SDK1: variants seen among roughly 807,000 people sequenced by gnomAD.
SDK1 encodes the protein protein sidekick-1.
A neutral mutation model predicts 245.5 loss-of-function variants in SDK1; 157 were observed. The observed-to-expected ratio is 0.64, with a 90% confidence interval of 0.56 to 0.73. The LOEUF is 0.73. SDK1 is among the 30% of genes least tolerant of loss of function. The pLI is 0.00. For missense variants in SDK1, 3,583 were observed against 3,002.3 expected, an observed-to-expected ratio of 1.19 and a Z score of -4.52; for synonymous variants, 1,647 against 1,278.5, an observed-to-expected ratio of 1.29 and a Z score of -6.15.
chr7:3,680,918 C>A (rs1010305326), intron 4 of SDK1, among the ~76,000 whole-genome samples: 1 of 152,214 alleles, frequency 6.6e-6, no homozygotes. Flanking sequence ...TCTTGGCTCA[C>A]TGCAACCTCC....
intron 4 of SDK1, among the ~76,000 whole-genome samples, chr7:3,813,102 A>T (rs925084871): frequency 3.3e-5 from 5 of 150,710 alleles, no homozygotes; most frequent in African/African-American, 5.0e-5. Context: ...TTTTATTTTT[A>T]TTTATTTATT....
At chr7:4,220,824 T>A (rs982094568) in intron 39 of SDK1, among the ~76,000 whole-genome samples, 5 of 151,874 alleles carry the variant, frequency 3.3e-5, no homozygotes, top group Admixed American at 6.6e-5. Flanking sequence ...CAAGCTGGAG[T>A]GCAGCAGCAT....
At chr7:3,385,668 C>T (rs1267519615) in intron 1 of SDK1, among the ~76,000 whole-genome samples, 2 of 152,132 alleles carry the variant, frequency 1.3e-5, no homozygotes, top group African/African-American at 4.8e-5. Flanking sequence ...AATACAGCCC[C>T]CGTATGTATC....
At chr7:3,709,362 A>G (rs1274458755) in intron 4 of SDK1, among the ~76,000 whole-genome samples, 1 of 152,180 alleles carries the variant, frequency 6.6e-6, no homozygotes, top group Non-Finnish European at 1.5e-5. Flanking sequence ...CTGGGCATGC[A>G]TGCAAGGCCC....
intron 41 of SDK1, among the ~76,000 whole-genome samples, chr7:4,235,258 G>T (rs188881905): frequency 3.3e-5 from 5 of 152,084 alleles, no homozygotes; most frequent in African/African-American, 1.2e-4. Context: ...TCCGTCTCCC[G>T]GGTTCAAGGG....
chr7:3,430,476 T>G (rs908293868), intron 1 of SDK1, among the ~76,000 whole-genome samples: 1 of 152,184 alleles, frequency 6.6e-6, no homozygotes, highest in South Asian at 2.1e-4. Context: ...CTGTCTCTAC[T>G]TTTACCTCTG....
chr7:3,773,785 T>A (rs986602910), intron 4 of SDK1, among the ~76,000 whole-genome samples: 4 of 152,238 alleles, frequency 2.6e-5, no homozygotes, highest in African/African-American at 4.8e-5. Context: ...TCAGGTCTTT[T>A]CTGAGCCTCT....
At chr7:3,521,595 A>G (rs777562989) in intron 1 of SDK1, among the ~76,000 whole-genome samples, 4 of 152,182 alleles carry the variant, frequency 2.6e-5, no homozygotes, top group Non-Finnish European at 5.9e-5. Flanking sequence ...GTGAAGATGG[A>G]AAATAGCAAA....
chr7:3,621,826 C>T lies in SDK1; in HGVS notation c.458+2587C>T, dbSNP rs182471591. 5.9e-5 allele frequency among the ~76,000 whole-genome samples: 9 copies of T among 152,328 alleles called. No individual in the cohort carries two copies. The East Asian group carries it at 1.5e-3, about 26-fold the overall frequency. ...TGATTTTTAAATGGATAATATGGGT[C>T]TCAAACTATTATTTGCAAATCGTTG... is the stretch of plus-strand genomic sequence containing the variant. On this transcript the variant is annotated intron_variant, in intron 2 of 44. Coordinates refer to ENST00000404826, the MANE Select transcript of SDK1 (RefSeq NM_152744.4).
At chr7:3,409,687 A>T (rs542310427) in intron 1 of SDK1, among the ~76,000 whole-genome samples, 1 of 152,118 alleles carries the variant, frequency 6.6e-6, no homozygotes, top group Non-Finnish European at 1.5e-5. Flanking sequence ...AGCGTTGGGG[A>T]TGGCTCTGAG....
intron 4 of SDK1, among the ~76,000 whole-genome samples, chr7:3,772,265 C>G (rs534684823): frequency 6.8e-6 from 1 of 146,234 alleles, no homozygotes; most frequent in Non-Finnish European, 1.5e-5. Flanking sequence ...TTTTTATATT[C>G]TACGTCTGTT....
chr7:3,873,939 GTCT>G (rs1413491414), intron 5 of SDK1, among the ~76,000 whole-genome samples: 2 of 152,094 alleles, frequency 1.3e-5, no homozygotes, highest in African/African-American at 4.8e-5. Context: ...TCATGTCTGA[GTCT>G]TCTTCTGATC....
At chr7:3,975,957 G>A (rs367968307) in intron 13 of SDK1, among the ~76,000 whole-genome samples, 3,261 of 129,530 alleles carry the variant, frequency 0.025, 47 homozygotes, top group African/African-American at 0.056. Context: ...AGGCTGCCAC[G>A]CAGAGGGTCC....
At chr7:3,319,402 G>A (rs759089109) in intron 1 of SDK1, among the ~76,000 whole-genome samples, 8 of 152,068 alleles carry the variant, frequency 5.3e-5, no homozygotes, top group East Asian at 3.9e-4. Flanking sequence ...GGCTTAGACC[G>A]GTGGCCCTCA....
At chr7:3,399,658 G>A (rs60418263) in intron 1 of SDK1, among the ~76,000 whole-genome samples, 15,144 of 152,130 alleles carry the variant, frequency 0.1, 961 homozygotes, top group African/African-American at 0.17. Context: ...TCTTCATTGT[G>A]TGGGGACACT....
chr7:4,020,044 C>T (rs1168372324), intron 17 of SDK1, among the ~76,000 whole-genome samples: 5 of 152,096 alleles, frequency 3.3e-5, no homozygotes, highest in Non-Finnish European at 5.9e-5. Context: ...GCTTTTCTTC[C>T]AGACCCTGAC....
intron 19 of SDK1, among the ~76,000 whole-genome samples, chr7:4,064,639 A>G (rs1562753660): frequency 6.6e-6 from 1 of 152,238 alleles, no homozygotes; most frequent in Non-Finnish European, 1.5e-5. Flanking sequence ...CATTCACAGT[A>G]GCCAAGATAC....
At chr7:3,581,801 G>C (rs1780505750) in intron 1 of SDK1, among the ~76,000 whole-genome samples, 1 of 152,236 alleles carries the variant, frequency 6.6e-6, no homozygotes, top group Non-Finnish European at 1.5e-5. Context: ...ATACACCTCA[G>C]AATACTATGC....
intron 44 of SDK1, among the ~76,000 whole-genome samples, chr7:4,264,880 G>C (rs996966499): frequency 1.3e-5 from 2 of 152,162 alleles, no homozygotes; most frequent in African/African-American, 4.8e-5. Context: ...TACAGAGTGA[G>C]GGGCTGGATG....
Sources: gnomAD v4.1 joint callset for allele counts (sites outside exome capture counted in the v4.1 genomes callset) on GRCh38, gnomAD v4.1.1 for gene constraint, MANE v1.5 for transcripts, NCBI Gene and HGNC (gene_info 2026-07-23, HGNC 2026-07-21) for gene names.